TTBK2: variants seen among roughly 807,000 people sequenced by gnomAD.
The protein encoded by TTBK2 is tau-tubulin kinase 2.
TTBK2 carries 28 observed loss-of-function variants against 110.8 expected under a neutral mutation model. The observed-to-expected ratio is 0.25, with a 90% CI of 0.19 to 0.35. TTBK2 has a LOEUF of 0.35. Ranked by LOEUF, TTBK2 falls within the 10% of genes least tolerant of loss-of-function variation. The probability of loss-of-function intolerance (pLI) is 1.00; values close to 1 mark genes in which losing one functional copy is unlikely to be tolerated. For synonymous variants in TTBK2, 532 were observed against 527.3 expected (o/e 1.01, Z -0.12); for missense variants, 1,369 against 1,500.3 (o/e 0.91, Z 1.45).
chr15:42,795,916 G>A (rs1290115753), intron 9 of TTBK2, among the ~76,000 whole-genome samples: 10 of 151,848 alleles, frequency 6.6e-5, no homozygotes, highest in Non-Finnish European at 1.3e-4. Flanking sequence ...GGATGGGAAT[G>A]AGGGTACTTG....
At chr15:42,820,931 C>T (rs943927573) in intron 6 of TTBK2, among the ~76,000 whole-genome samples, 4 of 152,022 alleles carry the variant, frequency 2.6e-5, no homozygotes, top group African/African-American at 9.7e-5. Flanking sequence ...ATGGGAGAAT[C>T]CCCCAGCTAT....
At chr15:42,833,606 C>CTCACA (rs1205176930) in intron 4 of TTBK2, among the ~76,000 whole-genome samples, 1 of 152,080 alleles carries the variant, frequency 6.6e-6, no homozygotes, top group Non-Finnish European at 1.5e-5. Flanking sequence ...GGTGTGGTGG[C>CTCACA]TCACATCTAT....
In TTBK2 at chr15:42,853,602, G is replaced by A. The variant is rs570462574; in HGVS notation, c.218-13169C>T. On this transcript the variant is annotated intron_variant, in intron 3 of 14. Coordinates refer to ENST00000267890, the MANE Select transcript of TTBK2 (RefSeq NM_173500.4). The stretch of plus-strand genomic sequence containing the variant: ...AAAATGAAAAAGTACAAGAGATGAT[G>A]CTGATCACTCGCAGCATAAAGAGCT... Among the ~76,000 whole-genome samples, 124 of 152,280 alleles carry A rather than the reference G, an allele frequency of 8.1e-4. 1 individual carries two copies. Among genetic ancestry groups the A allele is most frequent in the Admixed American group, 1.8e-3 (27 of 15,294 alleles).
intron 1 of TTBK2, 85 bp downstream of exon 1, chr15:42,920,353 G>C (rs1164506831): frequency 6.6e-6 from 1 of 152,436 alleles, no homozygotes; most frequent in African/African-American, 2.4e-5. Context: ...CAGCAGGCTC[G>C]GTCACTCGGC....
At chr15:42,808,339 T>G (rs1891565594) in intron 9 of TTBK2, among the ~76,000 whole-genome samples, 2 of 152,254 alleles carry the variant, frequency 1.3e-5, no homozygotes, top group Admixed American at 6.5e-5. Flanking sequence ...AAAGTGGCTC[T>G]GTAAAACTGC....
chr15:42,814,694 C>G (rs1216887327), intron 7 of TTBK2, among the ~76,000 whole-genome samples: 1 of 152,160 alleles, frequency 6.6e-6, no homozygotes, highest in Non-Finnish European at 1.5e-5. Context: ...AGCTGGGAAA[C>G]CTTTTAAGTT....
intron 9 of TTBK2, chr15:42,802,261 C>T: frequency 1.2e-6 from 1 of 810,128 alleles, no homozygotes; most frequent in Non-Finnish European, 2.2e-6. Context: ...TGCACCCAGG[C>T]CACCCCGGAA....
chr15:42,782,419 A>G (rs532230204), intron 11 of TTBK2, among the ~76,000 whole-genome samples: 3 of 152,128 alleles, frequency 2.0e-5, no homozygotes, highest in Non-Finnish European at 2.9e-5. Flanking sequence ...CACTTCTTCC[A>G]TAAGACATGT....
chr15:42,776,895 TCA>T (rs749242888), intron 12 of TTBK2, 134 bp downstream of exon 12: 14 of 816,626 alleles, frequency 1.7e-5, no homozygotes, highest in Admixed American at 2.3e-5. Flanking sequence ...CTGAATAGAC[TCA>T]GTGTTACAAA....
intron 9 of TTBK2, among the ~76,000 whole-genome samples, chr15:42,808,696 A>T (rs578189185): frequency 1.3e-3 from 169 of 130,896 alleles, no homozygotes; most frequent in African/African-American, 5.6e-3. Flanking sequence ...TAAAAAAAAT[A>T]AAAAAAAAAA....
intron 6 of TTBK2, among the ~76,000 whole-genome samples, chr15:42,824,887 A>G (rs1295619846): frequency 6.6e-6 from 1 of 152,118 alleles, no homozygotes; most frequent in Non-Finnish European, 1.5e-5. Flanking sequence ...AAATAATAAT[A>G]AAAAATGACA....
chr15:42,793,794 G>A (rs1341133459), intron 10 of TTBK2, among the ~76,000 whole-genome samples: 6 of 151,718 alleles, frequency 4.0e-5, no homozygotes, highest in Non-Finnish European at 8.8e-5. Flanking sequence ...CTGAGATTGT[G>A]CCACTGCACT....
intron 3 of TTBK2, among the ~76,000 whole-genome samples, chr15:42,868,796 G>A (rs1005857305): frequency 6.6e-6 from 1 of 151,852 alleles, no homozygotes; most frequent in Non-Finnish European, 1.5e-5. Context: ...ACAGGATCGA[G>A]GCTGCAGTGA....
chr15:42,805,487 C>A (rs970195727), intron 9 of TTBK2, among the ~76,000 whole-genome samples: 2 of 152,172 alleles, frequency 1.3e-5, no homozygotes, highest in Admixed American at 6.5e-5. Flanking sequence ...AGGTAGGGCA[C>A]ACTGGGAGAA....
At chr15:42,767,462 C>A (rs931619043) in intron 13 of TTBK2, among the ~76,000 whole-genome samples, 2 of 152,122 alleles carry the variant, frequency 1.3e-5, no homozygotes, top group Non-Finnish European at 2.9e-5. Flanking sequence ...TACAAACTAC[C>A]ATCAGAGAAT....
rs756640110 is a variant in TTBK2, at chr15:42,864,360, AG to A, written c.217+8250del. 3.3e-3 allele frequency among the ~76,000 whole-genome samples: 510 copies of A among 152,314 alleles called. 6 individuals carry two copies. The highest frequency in any genetic ancestry group is 4.1e-3 in the Non-Finnish European group (281 of 68,028). ...AGCACTTTGGGAGGCCAAAGCAGGC[AG>A]ATCACCTGAAGTCAGGAGTTCAAAA... On this transcript the variant is annotated intron_variant, in intron 3 of 14. Transcript: ENST00000267890.
Position 42,794,630 on chromosome 15 carries a change from T to C in TTBK2, c.980+14A>G. ...CCAGGAAAGACACCACCAAATGATC[T>C]GTTTAGGACATACCCAATTGCAGCA... is the stretch of plus-strand genomic sequence containing the variant. On this transcript the variant is annotated intron_variant, in intron 10 of 14. Transcript: ENST00000267890. 6.2e-7 allele frequency: 1 copy of C among 1,614,042 alleles called. No homozygotes were observed. Among genetic ancestry groups the C allele is most frequent in the Non-Finnish European group, 8.5e-7 (1 of 1,179,964 alleles).
chr15:42,780,027 G>A (rs1039808363), intron 11 of TTBK2, among the ~76,000 whole-genome samples: 1 of 150,642 alleles, frequency 6.6e-6, no homozygotes, highest in Non-Finnish European at 1.5e-5. Flanking sequence ...ATTCTTCTTT[G>A]TTGCTGTCTG....
At chr15:42,754,813 A>T (rs2061922711) in intron 13 of TTBK2, among the ~76,000 whole-genome samples, 1 of 145,856 alleles carries the variant, frequency 6.9e-6, no homozygotes, top group South Asian at 2.4e-4. Context: ...GTTCGAGACC[A>T]GCCTGGCCAA....
Sources: allele counts gnomAD v4.1 joint callset (sites outside exome capture counted in the v4.1 genomes callset), GRCh38; gene constraint gnomAD v4.1.1; transcripts MANE v1.5; gene names NCBI Gene and HGNC (gene_info 2026-07-23, HGNC 2026-07-21).